The following TMIGD3 variants were observed in gnomAD, a reference collection of about 807,000 sequenced individuals.
TMIGD3 encodes transmembrane and immunoglobulin domain containing 3, also known as AD026 protein (AD026).
A neutral mutation model predicts 28.1 loss-of-function variants in TMIGD3; 21 were observed. That is an observed-to-expected ratio of 0.75 (90% CI 0.53 to 1.08). The LOEUF (loss-of-function observed/expected upper bound fraction) is 1.08. Among genes scored for constraint, TMIGD3 ranks in the 50% least tolerant of loss-of-function variants. The probability of loss-of-function intolerance (pLI) is 0.00; values close to 1 mark genes in which losing one functional copy is unlikely to be tolerated. For missense variants in TMIGD3, 416 were observed against 435.6 expected (o/e 0.96, Z 0.40); for synonymous variants, 151 against 162.1 (o/e 0.93, Z 0.52).
At chr1:111,500,695 C>T in intron 1 of TMIGD3, 4 of 835,238 alleles carry the variant, frequency 4.8e-6, no homozygotes, top group Non-Finnish European at 7.6e-6. Flanking sequence ...TAAGAGAGGG[C>T]AGCATTGATA....
chr1:111,491,647 C>T (rs1654670198), intron 1 of TMIGD3, among the ~76,000 whole-genome samples: 2 of 152,156 alleles, frequency 1.3e-5, no homozygotes, highest in East Asian at 1.9e-4. Context: ...TTTTTATCTA[C>T]ATCACCTCAG....
intron 1 of TMIGD3, among the ~76,000 whole-genome samples, chr1:111,523,342 G>A (rs975080680): frequency 1.3e-5 from 2 of 152,108 alleles, no homozygotes; most frequent in Admixed American, 1.3e-4. Flanking sequence ...TGGACACTAT[G>A]TACCGTATTA....
chr1:111,560,767 C>T (rs1034678142), intron 1 of TMIGD3, among the ~76,000 whole-genome samples: 2 of 152,186 alleles, frequency 1.3e-5, no homozygotes, highest in African/African-American at 4.8e-5. Context: ...GCTGGGATTA[C>T]AGGCACACAC....
chr1:111,502,128 T>G (rs1469772547), intron 1 of TMIGD3, among the ~76,000 whole-genome samples: 1 of 86,082 alleles, frequency 1.2e-5, no homozygotes, highest in Admixed American at 1.8e-4. Flanking sequence ...ATATATAGGA[T>G]ATATATTTAA....
intron 1 of TMIGD3, among the ~76,000 whole-genome samples, chr1:111,512,952 A>G (rs1454635914): frequency 6.6e-6 from 1 of 152,088 alleles, no homozygotes; most frequent in African/African-American, 2.4e-5. Context: ...AGGCAGTACC[A>G]TTTTCCTCTC....
intron 3 of TMIGD3, among the ~76,000 whole-genome samples, chr1:111,487,874 G>A (rs1040402289): frequency 1.3e-5 from 2 of 152,096 alleles, no homozygotes; most frequent in Non-Finnish European, 2.9e-5. Context: ...TGCAATCACG[G>A]CTCACTGCAG....
chr1:111,506,913 T>TA (rs10653520), upstream of TMIGD3, among the ~76,000 whole-genome samples: 29 of 121,880 alleles, frequency 2.4e-4, no homozygotes, highest in East Asian at 7.9e-4. Context: ...TATATATATA[T>TA]TATATATATA....
intron 1 of TMIGD3, among the ~76,000 whole-genome samples, chr1:111,495,523 A>T (rs1362322826): frequency 6.6e-6 from 1 of 152,226 alleles, no homozygotes; most frequent in Non-Finnish European, 1.5e-5. Flanking sequence ...TGGGAGTGTA[A>T]ATTAGTTCAA....
chr1:111,499,251 T>A (rs916536126), intron 1 of TMIGD3, among the ~76,000 whole-genome samples: 1 of 152,140 alleles, frequency 6.6e-6, no homozygotes, highest in African/African-American at 2.4e-5. Flanking sequence ...GATGAATGGT[T>A]CATAAAGCTG....
At position 111,550,915 on chromosome 1, in the gene TMIGD3, G is replaced by GATGTGTACATGTTTATCATTGTTAT. The variant is rs564626907; in HGVS notation, c.107+12906_107+12930dup. On this transcript the variant is annotated intron_variant, in intron 1 of 5. Transcript: ENST00000369717. Reference sequence around the variant, plus strand: ...ACCTGGAGAATGTCCCATATTGTTAGATGTGTACATGTTTATCATTGTTAT... The same window carrying GATGTGTACATGTTTATCATTGTTAT: ...ACCTGGAGAATGTCCCATATTGTTAGATGTGTACATGTTTATCATTGTTATATGTGTACATGTTTATCATTGTTAT... 9.3e-3 allele frequency among the ~76,000 whole-genome samples: 1,423 copies of GATGTGTACATGTTTATCATTGTTAT among 152,324 alleles called. 14 individuals carry two copies. The highest frequency in any genetic ancestry group is 0.014 in the Non-Finnish European group (927 of 68,016).
At chr1:111,545,158 A>G (rs1337913) in intron 1 of TMIGD3, among the ~76,000 whole-genome samples, 139,374 of 151,476 alleles carry the variant, frequency 0.92, 64,795 homozygotes, top group Non-Finnish European at 0.99. Flanking sequence ...AGAATTGCTG[A>G]ATCATACAGT....
chr1:111,513,933 C>T (rs1052660530), intron 1 of TMIGD3, among the ~76,000 whole-genome samples: 5 of 152,198 alleles, frequency 3.3e-5, no homozygotes, highest in African/African-American at 9.6e-5. Context: ...GGTGCGGTTG[C>T]ATGGGAGCTG....
chr1:111,517,516 G>C (rs1655908695), intron 1 of TMIGD3, among the ~76,000 whole-genome samples: 1 of 152,140 alleles, frequency 6.6e-6, no homozygotes, highest in African/African-American at 2.4e-5. Flanking sequence ...GCCCTGAGTA[G>C]AGCATTTCTG....
At chr1:111,562,294 G>A (rs1657772289) in intron 1 of TMIGD3, among the ~76,000 whole-genome samples, 1 of 152,108 alleles carries the variant, frequency 6.6e-6, no homozygotes. Context: ...TTTCAATACA[G>A]TTATGTGTCT....
intron 1 of TMIGD3, chr1:111,542,452 T>TCGAGGGC (rs1446731185): frequency 4.8e-6 from 1 of 208,236 alleles, no homozygotes; most frequent in Non-Finnish European, 1.0e-5. Context: ...AGAGAGCAAG[T>TCGAGGGC]CGAGGGCCGT....
At chr1:111,553,890 C>T (rs1253696905) in intron 1 of TMIGD3, among the ~76,000 whole-genome samples, 1 of 152,192 alleles carries the variant, frequency 6.6e-6, no homozygotes, top group Non-Finnish European at 1.5e-5. Context: ...ATCTGTAGAA[C>T]TTAAGAACCT....
chr1:111,484,156 C>A (rs781587602), intron 5 of TMIGD3, among the ~76,000 whole-genome samples: 13 of 152,166 alleles, frequency 8.5e-5, no homozygotes, highest in Non-Finnish European at 1.8e-4. Flanking sequence ...GTATCATGTG[C>A]CTTTCCTTAA....
rs921755092 is a variant in TMIGD3 at position 111,500,613 on chromosome 1, A to T, written c.350+2392T>A. The T allele has an allele frequency of 1.1e-5, 17 of 1,528,210 alleles. No homozygotes were observed. The Middle Eastern group carries it at 1.8e-3, about 166-fold the overall frequency. The allele number at this position is 1,528,210 out of a possible 1,614,324, so 94.7% of individuals were successfully genotyped here. A position where few individuals can be genotyped will look rare whatever the true frequency, so the allele number is the denominator to read the frequency against. ...AGCAGTAATTGCTAAAGGGTAGGGG[A>T]GATGGAGCTGGTAAAGGAGAGAGAG... On this transcript the variant is annotated intron_variant, in intron 1 of 5. Transcript: ENST00000369716.
intron 1 of TMIGD3, among the ~76,000 whole-genome samples, chr1:111,515,217 A>G (rs12038000): frequency 0.35 from 53,518 of 152,104 alleles, 10,115 homozygotes; most frequent in Admixed American, 0.48. Flanking sequence ...CTTGACCCAG[A>G]CTAACCTGGA....
Sources: gnomAD v4.1 joint callset for allele counts (sites outside exome capture counted in the v4.1 genomes callset) on GRCh38, gnomAD v4.1.1 for gene constraint, MANE v1.5 for transcripts, NCBI Gene and HGNC (gene_info 2026-07-23, HGNC 2026-07-21) for gene names.